Variants in SORCS3 observed in about 807,000 individuals in gnomAD.
The protein encoded by SORCS3 is sortilin related VPS10 domain containing receptor 3.
In SORCS3, 57 loss-of-function variants were observed where a neutral mutation model predicts 146.3. The ratio of observed to expected loss-of-function variants is 0.39; its 90% confidence interval spans 0.31 to 0.49. The LOEUF is 0.49. Ranked by LOEUF, SORCS3 falls within the 20% of genes least tolerant of loss-of-function variation. SORCS3 has a pLI of 0.92. For synonymous variants in SORCS3, 653 were observed against 618.5 expected (o/e 1.06, Z -0.83); for missense variants, 1,341 against 1,575.5 (o/e 0.85, Z 2.52).
chr10:105,260,068 A>G (rs2056952147), intron 25 of SORCS3, among the ~76,000 whole-genome samples: 1 of 152,250 alleles, frequency 6.6e-6, no homozygotes, highest in African/African-American at 2.4e-5. Context: ...AAATTGAGAT[A>G]CAAAATTTAT....
intron 25 of SORCS3, among the ~76,000 whole-genome samples, chr10:105,259,127 A>G (rs1468962203): frequency 6.6e-6 from 1 of 152,148 alleles, no homozygotes; most frequent in Non-Finnish European, 1.5e-5. Flanking sequence ...ATTACTATCC[A>G]ATAGAACTTT....
chr10:104,897,113 C>T (rs182978161), intron 2 of SORCS3, among the ~76,000 whole-genome samples: 2 of 152,264 alleles, frequency 1.3e-5, no homozygotes, highest in Non-Finnish European at 2.9e-5. Flanking sequence ...GAGGCAAAAA[C>T]TCATCCCTGA....
chr10:104,689,505 G>A (rs2016088415), intron 1 of SORCS3, among the ~76,000 whole-genome samples: 1 of 152,172 alleles, frequency 6.6e-6, no homozygotes, highest in Admixed American at 6.5e-5. Context: ...CAAGCTGTTG[G>A]TTCTACTTGG....
chr10:104,860,942 G>A lies in SORCS3; in HGVS notation c.695+18083G>A, dbSNP rs150630139. Among the ~76,000 whole-genome samples the A allele has an allele frequency of 3.9e-3, 595 of 152,282 alleles. 5 individuals are homozygous for A. Among genetic ancestry groups the A allele is most frequent in the African/African-American group, 0.013 (545 of 41,562 alleles). On this transcript the variant is annotated intron_variant, in intron 2 of 26. Coordinates refer to ENST00000369701, the MANE Select transcript of SORCS3 (RefSeq NM_014978.3). ...GGTTCCCAACAGTCTCAAATCTACA[G>A]TCCCCTCAGTGGAAGACCCAGGTGC...
rs75542093 is a variant in SORCS3 at position 105,057,632 on chromosome 10, T to C, written c.1028+14504T>C. 3.9e-5 allele frequency among the ~76,000 whole-genome samples: 6 copies of C among 152,272 alleles called. No homozygotes were observed. In the East Asian group the frequency reaches 7.7e-4, roughly 20 times the overall value. On this transcript the variant is annotated intron_variant, in intron 5 of 26. Coordinates refer to ENST00000369701, the MANE Select transcript of SORCS3 (RefSeq NM_014978.3). ...GCAAGTTTGGTGCTAATGCACTGGA[T>C]TGGAAGAAATAGACCCCTTCATTTA...
intron 3 of SORCS3, among the ~76,000 whole-genome samples, chr10:104,932,325 T>G (rs2019216305): frequency 6.6e-6 from 1 of 152,218 alleles, no homozygotes; most frequent in Non-Finnish European, 1.5e-5. Flanking sequence ...CACGGCTGCT[T>G]GCATTTGAAT....
chr10:104,773,976 T>G (rs2017280414), intron 1 of SORCS3, among the ~76,000 whole-genome samples: 1 of 152,212 alleles, frequency 6.6e-6, no homozygotes, highest in Admixed American at 6.5e-5. Flanking sequence ...AATTTGCATT[T>G]AGCACCATTC....
intron 6 of SORCS3, among the ~76,000 whole-genome samples, chr10:105,096,996 G>A (rs528218062): frequency 3.5e-4 from 54 of 152,146 alleles, no homozygotes; most frequent in African/African-American, 1.3e-3. Context: ...AATTTAAAAG[G>A]TCATTTGTGG....
intron 2 of SORCS3, among the ~76,000 whole-genome samples, chr10:104,887,531 G>A (rs201850661): frequency 2.3e-4 from 35 of 152,286 alleles, no homozygotes; most frequent in East Asian, 9.6e-4. Flanking sequence ...CCTCCTGGTG[G>A]CTTGTTACTT....
chr10:104,704,034 G>C (rs1186667510), intron 1 of SORCS3, among the ~76,000 whole-genome samples: 1 of 152,124 alleles, frequency 6.6e-6, no homozygotes, highest in African/African-American at 2.4e-5. Context: ...GGTTGGATAA[G>C]CATTTCAGTT....
At chr10:105,001,473 A>G (rs891246800) in intron 4 of SORCS3, among the ~76,000 whole-genome samples, 1 of 152,194 alleles carries the variant, frequency 6.6e-6, no homozygotes, top group African/African-American at 2.4e-5. Context: ...GTTGTCCTGT[A>G]TGCTTCCTTC....
At chr10:105,099,004 A>G (rs1266695799) in intron 6 of SORCS3, among the ~76,000 whole-genome samples, 2 of 152,226 alleles carry the variant, frequency 1.3e-5, no homozygotes, top group African/African-American at 4.8e-5. Context: ...CCATGAACTC[A>G]GTAGAAGGAA....
chr10:104,838,655 A>G (rs191156118), intron 1 of SORCS3, among the ~76,000 whole-genome samples: 1 of 152,144 alleles, frequency 6.6e-6, no homozygotes, highest in Non-Finnish European at 1.5e-5. Flanking sequence ...CTTTATTTGT[A>G]AGGTTAAATT....
chr10:105,004,563 C>A (rs1042945996), intron 4 of SORCS3, among the ~76,000 whole-genome samples: 1 of 152,086 alleles, frequency 6.6e-6, no homozygotes, highest in Non-Finnish European at 1.5e-5. Context: ...TAAACTCTAA[C>A]CTCTCCTCTC....
At position 104,781,559 on chromosome 10, in the gene SORCS3, G is replaced by A. The variant is rs368247730; in HGVS notation, c.628-61233G>A. Among the ~76,000 whole-genome samples, 10 of 152,138 alleles carry A rather than the reference G, an allele frequency of 6.6e-5. No homozygotes were observed. In the South Asian group the frequency reaches 2.1e-3, roughly 32 times the overall value. On this transcript the variant is annotated intron_variant, in intron 1 of 26. Coordinates refer to ENST00000369701, the MANE Select transcript of SORCS3 (RefSeq NM_014978.3). ...GTGTTAGTAGAGCATGTTGACTCCT[G>A]GAGAAAACACACACAAATATGTGTA...
At chr10:104,789,613 G>A (rs17117660) in intron 1 of SORCS3, among the ~76,000 whole-genome samples, 3,128 of 152,290 alleles carry the variant, frequency 0.021, 49 homozygotes, top group Admixed American at 0.039. Context: ...GACAGGAAAT[G>A]TAAAAACTAC....
At position 104,951,582 on chromosome 10, in the gene SORCS3, C is replaced by G. The variant is rs180723723; in HGVS notation, c.796-25753C>G. On this transcript the variant is annotated intron_variant, in intron 3 of 26. Transcript: ENST00000369701. ...CTGGTCTCAAACTCCTGACCTCAAG[C>G]AGTCCTCTCACCTCAACCTCCCAAA... is the stretch of plus-strand genomic sequence containing the variant. 1.7e-3 allele frequency among the ~76,000 whole-genome samples: 257 copies of G among 152,202 alleles called. 2 individuals carry two copies. In the East Asian group the frequency reaches 0.021, roughly 12 times the overall value.
intron 3 of SORCS3, among the ~76,000 whole-genome samples, chr10:104,950,274 C>T (rs985127471): frequency 8.5e-5 from 13 of 152,120 alleles, no homozygotes; most frequent in Non-Finnish European, 1.3e-4. Flanking sequence ...CCTGTTTGGA[C>T]AAAAAATAGC....
At chr10:104,697,609 C>T (rs1025485107) in intron 1 of SORCS3, among the ~76,000 whole-genome samples, 1 of 152,036 alleles carries the variant, frequency 6.6e-6, no homozygotes, top group African/African-American at 2.4e-5. Context: ...TGTTTTCTTC[C>T]TTTGTAGTTT....
Sources: allele counts gnomAD v4.1 joint callset (sites outside exome capture counted in the v4.1 genomes callset), GRCh38; gene constraint gnomAD v4.1.1; transcripts MANE v1.5; gene names NCBI Gene and HGNC (gene_info 2026-07-23, HGNC 2026-07-21).